Variants in IDUA observed in about 807,000 individuals in gnomAD.
IDUA encodes alpha-L-iduronidase, also known as iduronidase alpha-L-.
Under a neutral mutation model 68.9 loss-of-function variants are expected in IDUA, and 65 were observed. The observed-to-expected ratio is 0.94, with a 90% CI of 0.77 to 1.16. The LOEUF (loss-of-function observed/expected upper bound fraction) is 1.16. Among genes scored for constraint, IDUA ranks in the 50% most tolerant of loss-of-function variants. The pLI is 0.00. For missense variants in IDUA, 1,046 were observed against 938.0 expected (o/e 1.12, Z -1.50); for synonymous variants, 529 against 433.6 (o/e 1.22, Z -2.73).
At chr4:999,204 C>CA (rs56098003) in intron 2 of IDUA, among the ~76,000 whole-genome samples, 3,000 of 128,568 alleles carry the variant, frequency 0.023, 77 homozygotes, top group African/African-American at 0.065. Context: ...GACTCTGTCT[C>CA]AAAAAAAAAA....
At position 989,203 on chromosome 4, in the gene IDUA, TC is replaced by T. The variant is rs1372086275; in HGVS notation, c.299+1255del. 1 of 1,608,248 alleles carries T rather than the reference TC, an allele frequency of 6.2e-7. No individual in the cohort carries two copies. The highest frequency in any genetic ancestry group is 8.5e-7 in the Non-Finnish European group (1 of 1,176,742). On this transcript the variant is annotated intron_variant, in intron 2 of 13. Coordinates refer to ENST00000514224, the MANE Select transcript of IDUA (RefSeq NM_000203.5). ...AGGGCCTCCCTCACCGACCCCCGTC[TC>T]TGAGCCCCCCTCCTTCCTCCTGGCA...
chr4:990,903 G>A (rs967849900), intron 2 of IDUA: 46 of 532,398 alleles, frequency 8.6e-5, no homozygotes, highest in Non-Finnish European at 7.5e-5. Context: ...ATGGCCCACC[G>A]GACTGGCTCC....
rs537176333 is a variant in IDUA, at chr4:999,062, G to A, written c.300-1550G>A. Among the ~76,000 whole-genome samples, 657 of 152,088 alleles carry A rather than the reference G, an allele frequency of 4.3e-3. 5 individuals carry two copies. Among genetic ancestry groups the A allele is most frequent in the Non-Finnish European group, 4.5e-3 (304 of 67,988 alleles). On this transcript the variant is annotated intron_variant, in intron 2 of 13. Coordinates refer to ENST00000514224, the MANE Select transcript of IDUA (RefSeq NM_000203.5). ...TACTAAAAATACAAAAAAATTAGCC[G>A]GGCGTGGTGGCGGGCGCCTGTAGTC... is the stretch of plus-strand genomic sequence containing the variant.
rs1461885620 is a variant in IDUA at position 989,039 on chromosome 4, G to A, written c.299+1090G>A. 26 of 1,579,604 alleles carry A rather than the reference G, an allele frequency of 1.6e-5. No individual in the cohort carries two copies. The highest frequency in any genetic ancestry group is 4.7e-5 in the East Asian group (2 of 42,690). On this transcript the variant is annotated intron_variant, in intron 2 of 13. Transcript: ENST00000514224. ...ATGCCCAGGGCCCCGTAGTCTCGGCGCAGGTCCTGCAGCGTGCTCACACCG... is the reference window on the plus strand; with the variant it reads ...ATGCCCAGGGCCCCGTAGTCTCGGCACAGGTCCTGCAGCGTGCTCACACCG...
intron 1 of IDUA, 83 bp from the exon 2 acceptor site, chr4:987,726 A>G: frequency 6.3e-7 from 1 of 1,591,146 alleles, no homozygotes; most frequent in Non-Finnish European, 8.6e-7. Context: ...GCGCCCGGGC[A>G]GTCCTGGGCT....
chr4:990,937 C>T lies in IDUA; in HGVS notation c.299+2988C>T, dbSNP rs1451319412. ...CCCCGTGCCCCTCCCCTCCTGCATCCACAGCCTCTCCGCGTCGGTGCCTCG... is the reference window on the plus strand; with the variant it reads ...CCCCGTGCCCCTCCCCTCCTGCATCTACAGCCTCTCCGCGTCGGTGCCTCG... On this transcript the variant is annotated intron_variant, in intron 2 of 13. Coordinates refer to ENST00000514224, the MANE Select transcript of IDUA (RefSeq NM_000203.5). 6.7e-6 allele frequency: 4 copies of T among 601,146 alleles called. No homozygotes were observed. In the South Asian group the frequency reaches 7.7e-5, roughly 12 times the overall value. The allele number at this position is 601,146 out of a possible 1,614,324, so 37.2% of individuals were successfully genotyped here.
At chr4:989,073 T>G in intron 2 of IDUA, 3 of 1,592,966 alleles carry the variant, frequency 1.9e-6, no homozygotes, top group Non-Finnish European at 2.6e-6. Context: ...CGGCTGCGTC[T>G]AGGAACAGCA....
chr4:991,944 A>C, intron 2 of IDUA: 1 of 859,368 alleles, frequency 1.2e-6, no homozygotes, highest in Non-Finnish European at 1.9e-6. Flanking sequence ...TCGTGAGGTG[A>C]GATGGGATTA....
intron 2 of IDUA, chr4:992,087 T>A: frequency 1.9e-6 from 1 of 515,606 alleles, no homozygotes; most frequent in Non-Finnish European, 3.8e-6. Flanking sequence ...TGTAGCCTCC[T>A]GAAGCTCACC....
chr4:996,396 G>A (rs1461278417), intron 2 of IDUA, among the ~76,000 whole-genome samples: 1 of 152,202 alleles, frequency 6.6e-6, no homozygotes, highest in African/African-American at 2.4e-5. Flanking sequence ...TACAGCAGGG[G>A]TGGGGCACCT....
In IDUA at chr4:1,002,409, C is replaced by T. The variant is rs777631094; in HGVS notation, c.1113C>T (p.Val371=). The stretch of plus-strand genomic sequence containing the variant: ...GCACGCTCACCGCGCGCTTCCAGGT[C>T]AACAACACCCGCCCGCCGCACGTGC... ...AQRTLTARFQ[V]NNTRPPHVQL... Residue 371 remains valine, a synonymous_variant, in exon 8 of 14, where the codon GTC becomes GTT. Transcript: ENST00000514224. 3 of 1,586,354 alleles carry T rather than the reference C, an allele frequency of 1.9e-6. No individual in the cohort carries two copies. Among genetic ancestry groups the T allele is most frequent in the Non-Finnish European group, 1.7e-6 (2 of 1,167,700 alleles).
intron 1 of IDUA, 66 bp downstream of exon 1, chr4:987,308 C>T (rs1266056627): frequency 2.8e-6 from 4 of 1,406,026 alleles, no homozygotes; most frequent in Admixed American, 4.2e-5. Flanking sequence ...CCCCTGACTG[C>T]GCACTGTGAG....
In IDUA at chr4:1,002,621, G is replaced by C. The variant is rs1715165728; in HGVS notation, c.1190-111G>C. On this transcript the variant is annotated intron_variant, in intron 8 of 13. Coordinates refer to ENST00000514224, the MANE Select transcript of IDUA (RefSeq NM_000203.5). Reference sequence around the variant, plus strand: ...GGTCGGCCTCCGCGTGGCGGGGCCTGGGGACTCCTTCACCAAGGGGAGGGG... The same window carrying C: ...GGTCGGCCTCCGCGTGGCGGGGCCTCGGGACTCCTTCACCAAGGGGAGGGG... The C allele has an allele frequency of 8.6e-6, 10 of 1,160,668 alleles. No homozygotes were observed. The East Asian group carries it at 3.0e-4, about 35-fold the overall frequency. The allele number at this position is 1,160,668 out of a possible 1,614,324, so 71.9% of individuals were successfully genotyped here. A position where few individuals can be genotyped will look rare whatever the true frequency, so the allele number is the denominator to read the frequency against.
chr4:991,871 G>T, intron 2 of IDUA: 1 of 1,477,018 alleles, frequency 6.8e-7, no homozygotes, highest in Non-Finnish European at 9.1e-7. Flanking sequence ...TCTCCTGGCA[G>T]CGCGGGCCCC....
Position 1,001,675 on chromosome 4 carries a change from C to G in IDUA, c.590-4C>G. The G allele has an allele frequency of 6.2e-7, 1 of 1,602,082 alleles. No homozygotes were observed. Among genetic ancestry groups the G allele is most frequent in the Non-Finnish European group, 8.5e-7 (1 of 1,178,986 alleles). On this transcript the variant is annotated splice_region_variant and splice_polypyrimidine_tract_variant and intron_variant, in intron 5 of 13. Transcript: ENST00000514224. Reference sequence around the variant, plus strand: ...GGTGTAGACGCAGTGCTCCCCCGGCCCAGGCTTCCTGAACTACTACGATGC... The same window carrying G: ...GGTGTAGACGCAGTGCTCCCCCGGCGCAGGCTTCCTGAACTACTACGATGC...
intron 6 of IDUA, 40 bp from the exon 7 acceptor site, chr4:1,001,942 C>T (rs938902626): frequency 3.2e-6 from 5 of 1,570,468 alleles, no homozygotes; most frequent in Middle Eastern, 1.7e-4. Flanking sequence ...TGCCCCGGGC[C>T]GCGCTGACCC....
chr4:994,832 G>A (rs949854535), intron 2 of IDUA, among the ~76,000 whole-genome samples: 1 of 152,094 alleles, frequency 6.6e-6, no homozygotes, highest in African/African-American at 2.4e-5. Context: ...CGGCTCAGGT[G>A]GGAGCATGGC....
chr4:987,700 G>A, intron 1 of IDUA, 109 bp from the exon 2 acceptor site: 2 of 1,549,324 alleles, frequency 1.3e-6, no homozygotes, highest in Admixed American at 3.8e-5. Context: ...GAACGCACGG[G>A]CAGCGCCTGG....
intron 2 of IDUA, chr4:990,445 T>G (rs1577517369): frequency 7.4e-7 from 1 of 1,349,292 alleles, no homozygotes; most frequent in African/African-American, 1.5e-5. Flanking sequence ...GCCCGAGGGG[T>G]GGTGGTCACG....
Sources: allele counts gnomAD v4.1 joint callset (sites outside exome capture counted in the v4.1 genomes callset), GRCh38; gene constraint gnomAD v4.1.1; transcripts MANE v1.5; gene names NCBI Gene and HGNC (gene_info 2026-07-23, HGNC 2026-07-21).